The following RIN2 variants were observed in gnomAD, a reference collection of about 807,000 sequenced individuals.
The protein encoded by RIN2 is Ras and Rab interactor 2.
RIN2 carries 36 observed loss-of-function variants against 78.0 expected under a neutral mutation model. The ratio of observed to expected loss-of-function variants is 0.46; its 90% confidence interval spans 0.35 to 0.61. RIN2 has a LOEUF of 0.61. Ranked by LOEUF, RIN2 falls within the 20% of genes least tolerant of loss-of-function variation. The pLI is 0.00. For missense variants in RIN2, 1,087 were observed against 1,159.7 expected (o/e 0.94, Z 0.91); for synonymous variants, 466 against 466.8 (o/e 1.00, Z 0.02).
At chr20:19,996,539 T>G (rs1426114902) in intron 11 of RIN2, 140 bp from the exon 12 acceptor site, 1 of 796,260 alleles carries the variant, frequency 1.3e-6, no homozygotes, top group East Asian at 2.7e-5. Context: ...CTTGGGTGTG[T>G]GCTTCTGTGA....
chr20:19,805,593 G>C (rs1355094178), intron 2 of RIN2, among the ~76,000 whole-genome samples: 1 of 152,080 alleles, frequency 6.6e-6, no homozygotes, highest in Non-Finnish European at 1.5e-5. Context: ...GTAGAGACAG[G>C]GTTTCGCCAC....
chr20:19,770,981 A>G (rs2034098672), intron 1 of RIN2, among the ~76,000 whole-genome samples: 2 of 151,980 alleles, frequency 1.3e-5, no homozygotes, highest in African/African-American at 4.8e-5. Flanking sequence ...GAGTTCAACT[A>G]ATTTGCTAGA....
chr20:19,821,846 G>A (rs2035937005), intron 2 of RIN2, among the ~76,000 whole-genome samples: 2 of 152,094 alleles, frequency 1.3e-5, no homozygotes, highest in Admixed American at 1.3e-4. Context: ...GTAGTGTCTG[G>A]GTGCAAAGGG....
intron 2 of RIN2, among the ~76,000 whole-genome samples, chr20:19,805,924 T>G (rs1230171776): frequency 6.6e-6 from 1 of 152,164 alleles, no homozygotes; most frequent in Non-Finnish European, 1.5e-5. Context: ...TGTGTCTATG[T>G]GTTCTCATTG....
At chr20:19,915,882 T>G (rs2039662857) in intron 3 of RIN2, among the ~76,000 whole-genome samples, 2 of 152,234 alleles carry the variant, frequency 1.3e-5, no homozygotes, top group East Asian at 1.9e-4. Flanking sequence ...CAGATTCATC[T>G]CCCCTATCCA....
intron 2 of RIN2, among the ~76,000 whole-genome samples, chr20:19,879,636 T>A (rs1369084139): frequency 1.3e-5 from 2 of 152,200 alleles, no homozygotes; most frequent in Non-Finnish European, 2.9e-5. Context: ...GTCAATTTGC[T>A]TCACTGGTCG....
chr20:19,976,513 G>T (rs2042283741), intron 9 of RIN2, among the ~76,000 whole-genome samples: 1 of 152,186 alleles, frequency 6.6e-6, no homozygotes, highest in South Asian at 2.1e-4. Flanking sequence ...ACTTCAAGGG[G>T]AAATTCTTTC....
chr20:19,996,467 G>A (rs991565349), intron 11 of RIN2, among the ~76,000 whole-genome samples: 1 of 152,294 alleles, frequency 6.6e-6, no homozygotes, highest in Admixed American at 6.5e-5. Flanking sequence ...GGCCTGGGTC[G>A]CTCCAGAAAT....
chr20:19,774,851 G>C lies in RIN2; in HGVS notation c.-163+16524G>C, dbSNP rs1204020285. ...GCCTCAGTGAGACCAGATAGGAGAA[G>C]ACTGTGATCATTCAGAAACTGGTCC... On this transcript the variant is annotated intron_variant, in intron 1 of 12. Transcript: ENST00000255006. Among the ~76,000 whole-genome samples, 3 of 152,222 alleles carry C rather than the reference G, an allele frequency of 2.0e-5. No homozygotes were observed. In the East Asian group the frequency reaches 5.8e-4, roughly 29 times the overall value.
intron 9 of RIN2, among the ~76,000 whole-genome samples, chr20:19,989,267 A>G (rs983721429): frequency 9.8e-4 from 133 of 135,140 alleles, no homozygotes; most frequent in Non-Finnish European, 1.6e-3. Flanking sequence ...TCCTCAGAAA[A>G]CATTCTTTTT....
At chr20:19,898,450 A>T (rs1279135381) in intron 3 of RIN2, among the ~76,000 whole-genome samples, 2 of 152,244 alleles carry the variant, frequency 1.3e-5, no homozygotes, top group African/African-American at 4.8e-5. Flanking sequence ...CTCTTGTACA[A>T]TATAGAATGA....
At position 19,950,591 on chromosome 20, in the gene RIN2, G is replaced by A. The variant is rs565685396; in HGVS notation, c.159-6024G>A. 2.0e-5 allele frequency among the ~76,000 whole-genome samples: 3 copies of A among 151,606 alleles called. No individual in the cohort carries two copies. The South Asian group carries it at 6.3e-4, about 32-fold the overall frequency. ...GACACTTTCTTTCTTTCTTTCTTTT[G>A]ACACTTTCAAACATGTTTATACTTT... On this transcript the variant is annotated intron_variant, in intron 4 of 12. Coordinates refer to ENST00000255006, the MANE Select transcript of RIN2 (RefSeq NM_018993.4).
intron 2 of RIN2, among the ~76,000 whole-genome samples, chr20:19,862,662 C>T (rs2037380224): frequency 6.6e-6 from 1 of 152,192 alleles, no homozygotes; most frequent in African/African-American, 2.4e-5. Flanking sequence ...TCCTCAACCA[C>T]CCATTGCCAC....
At position 19,810,244 on chromosome 20, in the gene RIN2, CAA is replaced by C. The variant is rs58768278; in HGVS notation, c.-37+10513_-37+10514del. 1.3e-3 allele frequency among the ~76,000 whole-genome samples: 107 copies of C among 80,590 alleles called. 1 individual carries two copies. The highest frequency in any genetic ancestry group is 0.012 in the East Asian group (32 of 2,666). 52.9% of individuals were successfully genotyped at this position (80,590 alleles called of 152,430 possible). A position where few individuals can be genotyped will look rare whatever the true frequency, so the allele number is the denominator to read the frequency against. ...CAAAACCCCGTCTCTATTAATAATA[CAA>C]AAAAAAAAAAAAAAAGCCAGGTGTG... On this transcript the variant is annotated intron_variant, in intron 2 of 12. Transcript: ENST00000255006.
chr20:19,957,218 C>T (rs575224965), intron 5 of RIN2, among the ~76,000 whole-genome samples: 1 of 152,294 alleles, frequency 6.6e-6, no homozygotes, highest in East Asian at 1.9e-4. Context: ...ACTTGGGACC[C>T]AGCCTTCAAA....
At chr20:19,764,918 G>GTTTTTTTTTTTGTTTTTTTTTT (rs2033807887) in intron 1 of RIN2, among the ~76,000 whole-genome samples, 1 of 50,358 alleles carries the variant, frequency 2.0e-5, no homozygotes, top group Non-Finnish European at 3.6e-5. Flanking sequence ...CACTTTCTGC[G>GTTTTTTTTTTTGTTTTTTTTTT]TTTTTTTTTT....
intron 3 of RIN2, among the ~76,000 whole-genome samples, chr20:19,891,784 G>T (rs969735185): frequency 6.6e-6 from 1 of 151,850 alleles, no homozygotes; most frequent in Non-Finnish European, 1.5e-5. Flanking sequence ...AGCCAACATC[G>T]CACCACTGCA....
At chr20:19,827,279 T>A (rs1477287649) in intron 2 of RIN2, among the ~76,000 whole-genome samples, 1 of 152,156 alleles carries the variant, frequency 6.6e-6, no homozygotes, top group East Asian at 1.9e-4. Flanking sequence ...CCCCGCCTTT[T>A]TCTAATTTTC....
intron 3 of RIN2, among the ~76,000 whole-genome samples, chr20:19,907,795 T>C (rs937102468): frequency 1.3e-5 from 2 of 152,218 alleles, no homozygotes; most frequent in Admixed American, 1.3e-4. Context: ...GGGTAAATAC[T>C]GGTGGAAAGG....
Sources: allele counts gnomAD v4.1 joint callset (sites outside exome capture counted in the v4.1 genomes callset), GRCh38; gene constraint gnomAD v4.1.1; transcripts MANE v1.5; gene names NCBI Gene and HGNC (gene_info 2026-07-23, HGNC 2026-07-21).